The following KIRREL3 variants were observed in gnomAD, a reference collection of about 807,000 sequenced individuals.
KIRREL3 encodes kin of IRRE-like protein 3.
KIRREL3 carries 36 observed loss-of-function variants against 89.7 expected under a neutral mutation model. The observed-to-expected ratio is 0.40, with a 90% confidence interval of 0.31 to 0.53. The LOEUF is 0.53. Among genes scored for constraint, KIRREL3 ranks in the 20% least tolerant of loss-of-function variants. KIRREL3 has a pLI of 0.49. For missense variants in KIRREL3, 864 were observed against 1,056.6 expected (o/e 0.82, Z 2.53); for synonymous variants, 445 against 441.4 (o/e 1.01, Z -0.10).
chr11:126,643,717 T>C lies in KIRREL3; in HGVS notation c.56-80805A>G, dbSNP rs1178529813. Among the ~76,000 whole-genome samples the C allele has an allele frequency of 6.6e-6, 1 of 152,120 alleles. No individual in the cohort carries two copies. The highest frequency in any genetic ancestry group is 1.5e-5 in the Non-Finnish European group (1 of 68,026). On this transcript the variant is annotated intron_variant, in intron 1 of 16. Coordinates refer to ENST00000525144, the MANE Select transcript of KIRREL3 (RefSeq NM_032531.4). This position sits in a 1 kb window ranked among gnomAD's most constrained non-coding sequence, Gnocchi z 4.5. Reference sequence around the variant, plus strand: ...TGAATTGGAGATAGGGAGAGGAGTTTGGAGGCAGCAGTAATCTCAGTGAGA... The same window carrying C: ...TGAATTGGAGATAGGGAGAGGAGTTCGGAGGCAGCAGTAATCTCAGTGAGA...
chr11:126,765,638 T>C lies in KIRREL3; in HGVS notation c.56-202726A>G, dbSNP rs538557232. On this transcript the variant is annotated intron_variant, in intron 1 of 16. Transcript: ENST00000525144. ...TCCAGTAAGAAGGCAATACTATAATTTTCTTCACTGTCTCCCTTTAATGAG... is the reference window on the plus strand; with the variant it reads ...TCCAGTAAGAAGGCAATACTATAATCTTCTTCACTGTCTCCCTTTAATGAG... 9.4e-3 allele frequency among the ~76,000 whole-genome samples: 1,438 copies of C among 152,286 alleles called. 14 individuals carry two copies. The highest frequency in any genetic ancestry group is 0.015 in the Non-Finnish European group (1,013 of 68,022).
chr11:126,793,501 C>A (rs1340395776), intron 1 of KIRREL3, among the ~76,000 whole-genome samples: 2 of 152,122 alleles, frequency 1.3e-5, no homozygotes, highest in Non-Finnish European at 2.9e-5. Flanking sequence ...AACAGGTGCA[C>A]CAGCCCAGAT....
intron 1 of KIRREL3, among the ~76,000 whole-genome samples, chr11:126,810,578 G>T (rs1160400538): frequency 7.0e-6 from 1 of 142,822 alleles, no homozygotes; most frequent in South Asian, 2.2e-4. Flanking sequence ...GTATGGAACC[G>T]CAAGGAAAGA....
chr11:126,702,616 A>T (rs1427254156), intron 1 of KIRREL3, among the ~76,000 whole-genome samples: 2 of 152,182 alleles, frequency 1.3e-5, no homozygotes, highest in South Asian at 4.1e-4. Context: ...CAGCAAAACA[A>T]AACACACAGC....
Position 126,817,088 on chromosome 11 carries a change from T to C in KIRREL3, c.55+183367A>G, listed in dbSNP as rs1951598271. On this transcript the variant is annotated intron_variant, in intron 1 of 16. Transcript: ENST00000525144. This position sits in a 1 kb window ranked among gnomAD's most constrained non-coding sequence, Gnocchi z 5.7. ...GGCTTGCAGGGAGAAAAATAACAAA[T>C]GAGGAAAGCCAACACTATTAAAATT... Among the ~76,000 whole-genome samples the C allele has an allele frequency of 6.6e-6, 1 of 151,762 alleles. No homozygotes were observed. The highest frequency in any genetic ancestry group is 6.6e-5 in the Admixed American group (1 of 15,246).
chr11:126,713,549 C>T (rs548674898), intron 1 of KIRREL3, among the ~76,000 whole-genome samples: 164 of 152,210 alleles, frequency 1.1e-3, no homozygotes, highest in Middle Eastern at 3.4e-3. Context: ...GACAGGGCTG[C>T]GCTGCCTGAG....
Position 126,773,544 on chromosome 11 carries a change from A to G in KIRREL3, c.56-210632T>C, listed in dbSNP as rs1303799719. 6.6e-6 allele frequency among the ~76,000 whole-genome samples: 1 copy of G among 152,196 alleles called. No homozygotes were observed. Among genetic ancestry groups the G allele is most frequent in the Non-Finnish European group, 1.5e-5 (1 of 68,030 alleles). ...CCTGTTGGTTCTGTTTCTCTGGAGA[A>G]TCCTGACTAATTCAAAGCCAAAGAG... On this transcript the variant is annotated intron_variant, in intron 1 of 16. Coordinates refer to ENST00000525144, the MANE Select transcript of KIRREL3 (RefSeq NM_032531.4). This position sits in a 1 kb window ranked among gnomAD's most constrained non-coding sequence, Gnocchi z 4.2.
At chr11:126,440,830 C>T (rs1203945070) in intron 10 of KIRREL3, 2 of 515,000 alleles carry the variant, frequency 3.9e-6, no homozygotes, top group Non-Finnish European at 3.5e-6. Flanking sequence ...ACCACAGGAG[C>T]GGTGCAGATA....
intron 1 of KIRREL3, among the ~76,000 whole-genome samples, chr11:126,730,990 C>T (rs749335331): frequency 3.3e-5 from 5 of 152,148 alleles, no homozygotes; most frequent in South Asian, 2.1e-4. Context: ...CCACCCGTCT[C>T]GGCCTCCCAA....
chr11:126,779,128 A>G (rs1008354377), intron 1 of KIRREL3, among the ~76,000 whole-genome samples: 13 of 152,212 alleles, frequency 8.5e-5, no homozygotes, highest in African/African-American at 2.9e-4. Flanking sequence ...ATGATCAAAA[A>G]TGTAAGATGG....
At chr11:126,650,632 A>G (rs1327785358) in intron 1 of KIRREL3, among the ~76,000 whole-genome samples, 2 of 152,180 alleles carry the variant, frequency 1.3e-5, no homozygotes, top group African/African-American at 4.8e-5. Flanking sequence ...CCTGGACCTT[A>G]TTGTCCATAT....
At position 126,768,166 on chromosome 11, in the gene KIRREL3, ATCCAATCC is replaced by A. The variant is rs1229570805; in HGVS notation, c.56-205262_56-205255del. On this transcript the variant is annotated intron_variant, in intron 1 of 16. Transcript: ENST00000525144. The surrounding 1 kb of genome is among the most constrained non-coding windows in gnomAD (Gnocchi z 4.5). ...CATCCATCCATCCATCCATCCATCCATCCAATCCATCCATCCATCCATCCATCCATCCA... is the reference window on the plus strand; with the variant it reads ...CATCCATCCATCCATCCATCCATCCAATCCATCCATCCATCCATCCATCCA... 0.038 allele frequency among the ~76,000 whole-genome samples: 4,796 copies of A among 126,856 alleles called. 129 individuals are homozygous for A. The highest frequency in any genetic ancestry group is 0.14 in the East Asian group (496 of 3,656). The allele number at this position is 126,856 out of a possible 152,430, so 83.2% of individuals were successfully genotyped here.
At position 126,795,951 on chromosome 11, in the gene KIRREL3, G is replaced by A. The variant is rs542331611; in HGVS notation, c.55+204504C>T. 6.6e-6 allele frequency among the ~76,000 whole-genome samples: 1 copy of A among 152,184 alleles called. No homozygotes were observed. Among genetic ancestry groups the A allele is most frequent in the South Asian group, 2.1e-4 (1 of 4,814 alleles). On this transcript the variant is annotated intron_variant, in intron 1 of 16. Coordinates refer to ENST00000525144, the MANE Select transcript of KIRREL3 (RefSeq NM_032531.4). The surrounding 1 kb of genome is among the most constrained non-coding windows in gnomAD (Gnocchi z 4.1). ...ATTGGGAAAAGCATGAATCAGAAAT[G>A]AGAGTACATTTTTCACGTTGAGCTA...
Position 126,489,594 on chromosome 11 carries a change from A to G in KIRREL3, c.434-16128T>C, listed in dbSNP as rs971964095. On this transcript the variant is annotated intron_variant, in intron 4 of 16. Coordinates refer to ENST00000525144, the MANE Select transcript of KIRREL3 (RefSeq NM_032531.4). The surrounding 1 kb of genome is among the most constrained non-coding windows in gnomAD (Gnocchi z 5.5). ...GGCATTGCTGGATGCAGATGTGTGA[A>G]TCACCATAAGTTTGGACCCAGGACA... 4.6e-5 allele frequency among the ~76,000 whole-genome samples: 7 copies of G among 152,064 alleles called. No individual in the cohort carries two copies. The highest frequency in any genetic ancestry group is 9.7e-5 in the African/African-American group (4 of 41,400).
chr11:126,633,952 A>C (rs527861299), intron 1 of KIRREL3, among the ~76,000 whole-genome samples: 2 of 152,206 alleles, frequency 1.3e-5, no homozygotes, highest in South Asian at 4.1e-4. Context: ...CTCTTCATAC[A>C]GTATTTCTTA....
rs892281807 is a variant in KIRREL3, at chr11:126,897,870, A to T, written c.55+102585T>A. 6.6e-6 allele frequency among the ~76,000 whole-genome samples: 1 copy of T among 152,228 alleles called. No homozygotes were observed. The highest frequency in any genetic ancestry group is 1.5e-5 in the Non-Finnish European group (1 of 68,046). On this transcript the variant is annotated intron_variant, in intron 1 of 16. Coordinates refer to ENST00000525144, the MANE Select transcript of KIRREL3 (RefSeq NM_032531.4). The surrounding 1 kb of genome is among the most constrained non-coding windows in gnomAD (Gnocchi z 4.2). Reference sequence around the variant, plus strand: ...AATGTTAAACTAAGTAAGTCTGCACATATCCACTGATGTATGGCACCTCGA... The same window carrying T: ...AATGTTAAACTAAGTAAGTCTGCACTTATCCACTGATGTATGGCACCTCGA...
At chr11:126,980,323 G>A (rs566098571) in intron 1 of KIRREL3, among the ~76,000 whole-genome samples, 139 of 152,282 alleles carry the variant, frequency 9.1e-4, no homozygotes, top group Middle Eastern at 3.4e-3. Flanking sequence ...CAGACAGAAT[G>A]AATTGATAGA....
rs911404022 is a variant in KIRREL3, at chr11:126,969,344, A to G, written c.55+31111T>C. On this transcript the variant is annotated intron_variant, in intron 1 of 16. Transcript: ENST00000525144. This position sits in a 1 kb window ranked among gnomAD's most constrained non-coding sequence, Gnocchi z 4.9. ...CAAGGAGAGAGTTGTCCACTGGGGA[A>G]AACGCCTGGGCAATTCCCTGCAGTG... Among the ~76,000 whole-genome samples, 1 of 152,152 alleles carries G rather than the reference A, an allele frequency of 6.6e-6. No individual in the cohort carries two copies. The highest frequency in any genetic ancestry group is 2.4e-5 in the African/African-American group (1 of 41,440).
Position 126,978,835 on chromosome 11 carries a change from C to T in KIRREL3, c.55+21620G>A, listed in dbSNP as rs1318827574. ...TGTCCCCTGGGTCCCTACCTCTCTG[C>T]ACCCGGGATGCTTATTCTCTTACCT... On this transcript the variant is annotated intron_variant, in intron 1 of 16. Coordinates refer to ENST00000525144, the MANE Select transcript of KIRREL3 (RefSeq NM_032531.4). The surrounding 1 kb of genome is among the most constrained non-coding windows in gnomAD (Gnocchi z 4.2). Among the ~76,000 whole-genome samples the T allele has an allele frequency of 6.6e-6, 1 of 152,204 alleles. No individual in the cohort carries two copies. Among genetic ancestry groups the T allele is most frequent in the East Asian group, 1.9e-4 (1 of 5,196 alleles).
Sources: allele counts gnomAD v4.1 joint callset (sites outside exome capture counted in the v4.1 genomes callset), GRCh38; gene constraint gnomAD v4.1.1; non-coding constraint Gnocchi (gnomAD v3.1); transcripts MANE v1.5; gene names NCBI Gene and HGNC (gene_info 2026-07-23, HGNC 2026-07-21).